Variants in NOX4 observed in about 807,000 individuals in gnomAD.
NOX4 encodes the protein NADPH oxidase 4.
Under a neutral mutation model 87.6 loss-of-function variants are expected in NOX4, and 69 were observed. The ratio of observed to expected loss-of-function variants is 0.79; its 90% CI spans 0.65 to 0.96. NOX4 has a LOEUF of 0.96. Ranked by LOEUF, NOX4 falls within the 40% of genes least tolerant of loss-of-function variation. The probability of loss-of-function intolerance (pLI) is 0.00; values close to 1 mark genes in which losing one functional copy is unlikely to be tolerated. For synonymous variants in NOX4, 275 were observed against 238.2 expected (o/e 1.15, Z -1.42); for missense variants, 680 against 681.5 (o/e 1.00, Z 0.02).
the NOX4 span, among the ~76,000 whole-genome samples, chr11:89,532,331 C>G: frequency 6.6e-6 from 1 of 152,168 alleles, no homozygotes. Context: ...GCCTTGGGAG[C>G]CCACCCCTTG....
At chr11:89,577,820 T>A in the NOX4 span, among the ~76,000 whole-genome samples, 5 of 152,120 alleles carry the variant, frequency 3.3e-5, no homozygotes, top group East Asian at 7.7e-4. Context: ...ATTTATATAT[T>A]AATAAAGTAT....
chr11:89,449,388 C>T, intron 4 of NOX4, 52 bp downstream of exon 4: 3 of 1,337,118 alleles, frequency 2.2e-6, no homozygotes, highest in South Asian at 2.6e-5. Flanking sequence ...GGAATGTTTA[C>T]ATTTAAATGT....
chr11:89,555,945 T>C, the NOX4 span, among the ~76,000 whole-genome samples: 1 of 152,138 alleles, frequency 6.6e-6, no homozygotes, highest in Non-Finnish European at 1.5e-5. Flanking sequence ...AACAATGACA[T>C]GGAAACAAAA....
intron 11 of NOX4, among the ~76,000 whole-genome samples, chr11:89,394,910 C>T (rs1231697293): frequency 1.3e-5 from 2 of 152,164 alleles, no homozygotes; most frequent in Non-Finnish European, 2.9e-5. Context: ...CATTGATGGA[C>T]ATTTGGGTTG....
chr11:89,396,414 T>A (rs1332643285), intron 11 of NOX4, among the ~76,000 whole-genome samples: 1 of 152,126 alleles, frequency 6.6e-6, no homozygotes, highest in Admixed American at 6.6e-5. Context: ...GCTGAGACGA[T>A]GGGGTTTTCT....
intron 5 of NOX4, 21 bp downstream of exon 5, chr11:89,444,114 G>A (rs377144221): frequency 1.7e-5 from 27 of 1,602,252 alleles, no homozygotes; most frequent in Non-Finnish European, 3.4e-6. Flanking sequence ...AAAGAAAAAT[G>A]GGAAGACAGA....
At chr11:89,546,901 T>G in the NOX4 span, among the ~76,000 whole-genome samples, 2 of 152,212 alleles carry the variant, frequency 1.3e-5, no homozygotes, top group Non-Finnish European at 2.9e-5. Flanking sequence ...AGTTGCATAA[T>G]GAATTGTTTC....
the NOX4 span, among the ~76,000 whole-genome samples, chr11:89,511,765 G>C: frequency 7.4e-6 from 1 of 135,650 alleles, no homozygotes; most frequent in Non-Finnish European, 1.6e-5. Context: ...GTTTTCAGGA[G>C]CTTTCCTTTA....
At chr11:89,353,473 A>G (rs1937726559) in intron 13 of NOX4, among the ~76,000 whole-genome samples, 1 of 152,206 alleles carries the variant, frequency 6.6e-6, no homozygotes, top group South Asian at 2.1e-4. Context: ...ACAATAAAGT[A>G]TATTTTAATT....
the NOX4 span, among the ~76,000 whole-genome samples, chr11:89,582,284 G>A: frequency 0.26 from 38,839 of 151,808 alleles, 5,739 homozygotes; most frequent in Middle Eastern, 0.39. Context: ...CCATTCATCT[G>A]TTGAGGGATA....
chr11:89,347,124 T>C (rs754578295), intron 13 of NOX4, among the ~76,000 whole-genome samples: 2 of 152,198 alleles, frequency 1.3e-5, no homozygotes, highest in Non-Finnish European at 2.9e-5. Context: ...AAAGACATTA[T>C]GTATACTGTG....
At chr11:89,517,716 C>G in the NOX4 span, among the ~76,000 whole-genome samples, 2 of 151,792 alleles carry the variant, frequency 1.3e-5, no homozygotes, top group Non-Finnish European at 2.9e-5. Context: ...CTCATGGCCT[C>G]AAGCAATCCT....
At chr11:89,524,986 G>A in the NOX4 span, among the ~76,000 whole-genome samples, 1 of 151,956 alleles carries the variant, frequency 6.6e-6, no homozygotes, top group African/African-American at 2.4e-5. Flanking sequence ...TCAGCTTAAT[G>A]ATTTCAAGAT....
intron 8 of NOX4, among the ~76,000 whole-genome samples, chr11:89,419,604 G>A (rs116223296): frequency 0.036 from 5,456 of 151,554 alleles, 322 homozygotes; most frequent in African/African-American, 0.12. Context: ...TACCTATAAT[G>A]AATAAATACA....
At position 89,453,159 on chromosome 11, in the gene NOX4, T is replaced by G. The variant is rs531115628; in HGVS notation, c.154-1264A>C. Among the ~76,000 whole-genome samples the G allele has an allele frequency of 1.1e-4, 16 of 152,318 alleles. No homozygotes were observed. In the South Asian group the frequency reaches 1.9e-3, roughly 18 times the overall value. On this transcript the variant is annotated intron_variant, in intron 2 of 17. Coordinates refer to ENST00000263317, the MANE Select transcript of NOX4 (RefSeq NM_016931.5). ...AAAAACAGGCCTATTTCCAGGCCTATTACTAGGCCTATTTCTTCTAACCGA... is the reference window on the plus strand; with the variant it reads ...AAAAACAGGCCTATTTCCAGGCCTAGTACTAGGCCTATTTCTTCTAACCGA...
chr11:89,551,655 C>T, the NOX4 span, among the ~76,000 whole-genome samples: 4 of 152,278 alleles, frequency 2.6e-5, no homozygotes, highest in African/African-American at 7.2e-5. Flanking sequence ...TGTCCTGAGA[C>T]TTTGCTGAAG....
intron 2 of NOX4, among the ~76,000 whole-genome samples, chr11:89,460,786 G>T (rs1945425229): frequency 6.6e-6 from 1 of 152,154 alleles, no homozygotes; most frequent in Admixed American, 6.5e-5. Context: ...AATACCATTT[G>T]ACCCAGCAAT....
At position 89,421,933 on chromosome 11, in the gene NOX4, A is replaced by C; in HGVS notation, c.598T>G (p.Phe200Val). 1 of 1,573,182 alleles carries C rather than the reference A, an allele frequency of 6.4e-7. No individual in the cohort carries two copies. Among genetic ancestry groups the C allele is most frequent in the South Asian group, 1.2e-5 (1 of 84,448 alleles). The change falls in exon 8 of 18, where the codon TTC becomes GTC. Residue 200 changes from phenylalanine (F) to valine (V), a missense_variant. Physicochemically the swap from Phe to Val is conservative, Grantham distance 50 (BLOSUM62 -1). Transcript: ENST00000263317. Reference sequence around the variant, plus strand: ...ACATGCAACGTCAGCAGCATGTAGAAGACAAAGAAGAGGTTATGAGTATAC... The same window carrying C: ...ACATGCAACGTCAGCAGCATGTAGACGACAAAGAAGAGGTTATGAGTATAC... ...FWYTHNLFFV[F>V]YMLLTLHVSG...
chr11:89,518,196 A>C, the NOX4 span, among the ~76,000 whole-genome samples: 1 of 152,086 alleles, frequency 6.6e-6, no homozygotes, highest in Admixed American at 6.6e-5. Flanking sequence ...AATAAAAAGA[A>C]AAATTAAACC....
Sources: allele counts gnomAD v4.1 joint callset (sites outside exome capture counted in the v4.1 genomes callset), GRCh38; gene constraint gnomAD v4.1.1; transcripts MANE v1.5; gene names NCBI Gene and HGNC (gene_info 2026-07-23, HGNC 2026-07-21).